Variants in SLC45A2 observed in about 807,000 individuals in gnomAD.
SLC45A2 encodes solute carrier family 45 member 2.
Under a neutral mutation model 45.5 loss-of-function variants are expected in SLC45A2, and 36 were observed. The ratio of observed to expected loss-of-function variants is 0.79; its 90% CI spans 0.61 to 1.04. SLC45A2 has a LOEUF of 1.04. SLC45A2 is among the 50% of genes least tolerant of loss of function. The probability of loss-of-function intolerance (pLI) is 0.00; values close to 1 mark genes in which losing one functional copy is unlikely to be tolerated. For synonymous variants in SLC45A2, 306 were observed against 269.3 expected (o/e 1.14, Z -1.33); for missense variants, 719 against 671.0 (o/e 1.07, Z -0.79).
intron 1 of SLC45A2, 67 bp downstream of exon 1, chr5:33,984,132 C>T: frequency 6.2e-7 from 1 of 1,600,448 alleles, no homozygotes. Flanking sequence ...ACATGAACAT[C>T]CTCCTCCTGC....
At position 33,984,286 on chromosome 5, in the gene SLC45A2, C is replaced by T. The variant is rs1561375148; in HGVS notation, c.298G>A (p.Gly100Ser). 3 of 1,614,168 alleles carry T rather than the reference C, an allele frequency of 1.9e-6. No homozygotes were observed. Among genetic ancestry groups the T allele is most frequent in the Non-Finnish European group, 1.7e-6 (2 of 1,180,036 alleles). ...GTGAGGATGTAGGGTCTCCGGCGGC[C>T]CCACCTGGACCGGCAGTGGTCGCTG... ...SASDHCRSRW[G>S]RRRPYILTLG... The change falls in exon 1 of 7, where the codon GGC becomes AGC. Residue 100 changes from glycine (G) to serine (S), a missense_variant. By Grantham distance (56) the Gly-to-Ser change is moderately conservative. Transcript: ENST00000296589.
intron 2 of SLC45A2, among the ~76,000 whole-genome samples, chr5:33,973,551 A>G (rs1752843793): frequency 6.6e-6 from 1 of 152,198 alleles, no homozygotes; most frequent in Admixed American, 6.5e-5. Context: ...TCTTGTTTCA[A>G]TTTCGTTTTT....
chr5:33,945,074 T>TATTGG (rs762093308), intron 6 of SLC45A2, among the ~76,000 whole-genome samples: 6 of 152,248 alleles, frequency 3.9e-5, no homozygotes, highest in Non-Finnish European at 8.8e-5. Flanking sequence ...TTCCAATATA[T>TATTGG]ATTGATGGAC....
intron 3 of SLC45A2, among the ~76,000 whole-genome samples, chr5:33,960,067 T>C (rs183881333): frequency 9.2e-5 from 14 of 152,306 alleles, no homozygotes; most frequent in Non-Finnish European, 1.0e-4. Context: ...AAATGTAATG[T>C]GGTATCCTAG....
chr5:33,962,290 C>T (rs1752477559), intron 3 of SLC45A2, among the ~76,000 whole-genome samples: 1 of 152,162 alleles, frequency 6.6e-6, no homozygotes, highest in South Asian at 2.1e-4. Context: ...TAGTACAGTG[C>T]TTTGCACATA....
At chr5:33,965,590 T>C (rs143092054) in intron 2 of SLC45A2, among the ~76,000 whole-genome samples, 2 of 152,312 alleles carry the variant, frequency 1.3e-5, no homozygotes, top group African/African-American at 4.8e-5. Flanking sequence ...GTGATGAGCA[T>C]ATACATAAAC....
chr5:33,981,881 T>C lies in SLC45A2; in HGVS notation c.562+355A>G, dbSNP rs902489025. Reference sequence around the variant, plus strand: ...TAACTGGAGAAGGAGCCCAGGCAACTGTATTTTCAATGACCTTCTAAGGAA... The same window carrying C: ...TAACTGGAGAAGGAGCCCAGGCAACCGTATTTTCAATGACCTTCTAAGGAA... On this transcript the variant is annotated intron_variant, in intron 2 of 6. Coordinates refer to ENST00000296589, the MANE Select transcript of SLC45A2 (RefSeq NM_016180.5). Among the ~76,000 whole-genome samples, 4 of 152,364 alleles carry C rather than the reference T, an allele frequency of 2.6e-5. No individual in the cohort carries two copies. The South Asian group carries it at 6.2e-4, about 24-fold the overall frequency.
Position 33,963,953 on chromosome 5 carries a change from C to A in SLC45A2, c.626G>T (p.Arg209Ile). 1 of 1,614,138 alleles carries A rather than the reference C, an allele frequency of 6.2e-7. No individual in the cohort carries two copies. Among genetic ancestry groups the A allele is most frequent in the East Asian group, 2.2e-5 (1 of 44,886 alleles). Residue 209 changes from arginine to isoleucine, a missense_variant, in exon 3 of 7, where the codon AGA (arginine) becomes ATA (isoleucine). By Grantham distance (97) the Arg-to-Ile change is moderately conservative. Transcript: ENST00000296589. The part of the protein sequence containing the change: ...AIDWAHLELG[R>I]LLGTEFQVMF... ...GACCTGGAATTCTGTACCCAACAGT[C>A]TTCCCAGCTCCAGATGGGCCCAGTC...
Position 33,984,418 on chromosome 5 carries a change from C to A in SLC45A2, c.166G>T (p.Val56Leu), listed in dbSNP as rs1753181899. 5 of 1,613,416 alleles carry A rather than the reference C, an allele frequency of 3.1e-6. No homozygotes were observed. Residue 56 changes from valine (V) to leucine (L), a missense_variant, in exon 1 of 7, where the codon GTG (valine) becomes TTG (leucine). By Grantham distance (32) the Val-to-Leu change is conservative (BLOSUM62 1). Transcript: ENST00000296589. The part of the protein sequence containing the change: ...EFCYAVEAAY[V>L]TPVLLSVGLP... ...CCTACGCTGAGCAGGACTGGGGTCA[C>A]ATACGCTGCCTCCACCGCGTAGCAG...
At position 33,947,181 on chromosome 5, in the gene SLC45A2, G is replaced by T. The variant is rs1271771019; in HGVS notation, c.1350C>A (p.His450Gln). ...AGCACACCTCCTTTTCTTCCTCGCG[G>T]TGGTACTCAGTAATGAGGTTAAAGG... ...TVPFNLITEYHREEEKERQQA... is the reference protein window; with the variant it reads ...TVPFNLITEYQREEEKERQQA... Residue 450 changes from histidine (H) to glutamine (Q), a missense_variant, in exon 6 of 7, where the codon CAC becomes CAA. Coordinates refer to ENST00000296589, the MANE Select transcript of SLC45A2 (RefSeq NM_016180.5). The T allele has an allele frequency of 6.2e-7, 1 of 1,614,206 alleles. No individual in the cohort carries two copies. Among genetic ancestry groups the T allele is most frequent in the South Asian group, 1.1e-5 (1 of 91,074 alleles).
At chr5:33,979,763 C>G (rs1561372534) in intron 2 of SLC45A2, among the ~76,000 whole-genome samples, 1 of 152,192 alleles carries the variant, frequency 6.6e-6, no homozygotes, top group Non-Finnish European at 1.5e-5. Context: ...TGAGGCATGT[C>G]CAACCACCCA....
intron 2 of SLC45A2, among the ~76,000 whole-genome samples, chr5:33,966,427 CTTTTTTTTTTTTTT>C (rs367752652): frequency 1.1e-5 from 1 of 95,196 alleles, no homozygotes; most frequent in Non-Finnish European, 2.0e-5. Context: ...AAGCTACTTT[CTTTTTTTTTTTTTT>C]TTTTTTTTTT....
intron 2 of SLC45A2, chr5:33,971,295 A>AG: frequency 5.7e-6 from 3 of 522,524 alleles, no homozygotes; most frequent in Non-Finnish European, 7.8e-6. Flanking sequence ...GTGGGAATTG[A>AG]GGGGTTACCA....
At chr5:33,967,357 CCTT>C (rs1350379069) in intron 2 of SLC45A2, among the ~76,000 whole-genome samples, 1 of 152,142 alleles carries the variant, frequency 6.6e-6, no homozygotes, top group Non-Finnish European at 1.5e-5. Context: ...TCTAGAGCAG[CCTT>C]CTTAAACTTT....
At chr5:33,948,482 C>T (rs1428889204) in intron 5 of SLC45A2, among the ~76,000 whole-genome samples, 1 of 152,098 alleles carries the variant, frequency 6.6e-6, no homozygotes, top group Non-Finnish European at 1.5e-5. Flanking sequence ...TGACATTTTC[C>T]ATATCTATTC....
chr5:33,973,407 C>G (rs1262421064), intron 2 of SLC45A2, among the ~76,000 whole-genome samples: 1 of 152,126 alleles, frequency 6.6e-6, no homozygotes, highest in Non-Finnish European at 1.5e-5. Context: ...GAAAGTCTAC[C>G]ATGGGTGGAA....
chr5:33,948,064 A>G (rs184123384), intron 5 of SLC45A2, among the ~76,000 whole-genome samples: 16 of 152,320 alleles, frequency 1.1e-4, no homozygotes, highest in Admixed American at 5.2e-4. Context: ...CTCATCTGAA[A>G]ACTGGGAATA....
Position 33,984,335 on chromosome 5 carries a change from C to T in SLC45A2, c.249G>A (p.Leu83=), listed in dbSNP as rs1361776663. 58 of 1,613,972 alleles carry T rather than the reference C, an allele frequency of 3.6e-5. No individual in the cohort carries two copies. Among genetic ancestry groups the T allele is most frequent in the Non-Finnish European group, 4.8e-5 (57 of 1,180,006 alleles). ...TGGCCGATCCGACCACGGGCTGCAG[C>T]AGGAATCCCAGGATGGGGCTGAGGA... ...VWFLSPILGF[L]LQPVVGSASD... Residue 83 remains leucine, a synonymous_variant, in exon 1 of 7, where the codon CTG becomes CTA. Coordinates refer to ENST00000296589, the MANE Select transcript of SLC45A2 (RefSeq NM_016180.5).
At chr5:33,970,960 C>G in intron 2 of SLC45A2, 1 of 471,792 alleles carries the variant, frequency 2.1e-6, no homozygotes, top group East Asian at 6.3e-5. Flanking sequence ...GGGAACAATT[C>G]AAAGAATTTA....
Sources: allele counts gnomAD v4.1 joint callset (sites outside exome capture counted in the v4.1 genomes callset), GRCh38; gene constraint gnomAD v4.1.1; transcripts MANE v1.5; gene names NCBI Gene and HGNC (gene_info 2026-07-23, HGNC 2026-07-21).